CNTN3: variants seen among roughly 807,000 people sequenced by gnomAD.
CNTN3 encodes contactin-3.
CNTN3 carries 60 observed loss-of-function variants against 119.1 expected under a neutral mutation model. That is an observed-to-expected ratio of 0.50 (90% CI 0.41 to 0.62). The LOEUF is 0.62. Among genes scored for constraint, CNTN3 ranks in the 20% least tolerant of loss-of-function variants. The pLI is 0.00. For synonymous variants in CNTN3, 450 were observed against 438.7 expected (o/e 1.03, Z -0.32); for missense variants, 1,101 against 1,242.4 (o/e 0.89, Z 1.71).
At chr3:74,434,749 A>G (rs1025092980) in intron 4 of CNTN3, among the ~76,000 whole-genome samples, 3 of 152,246 alleles carry the variant, frequency 2.0e-5, no homozygotes, top group Non-Finnish European at 4.4e-5. Context: ...TACTTAAAAC[A>G]CTGCTTAATT....
chr3:74,405,820 ATATT>A (rs1705309738), intron 5 of CNTN3, among the ~76,000 whole-genome samples: 3 of 152,046 alleles, frequency 2.0e-5, no homozygotes, highest in Admixed American at 2.0e-4. Flanking sequence ...CCAGTTTTCC[ATATT>A]TATTTGTAAA....
At chr3:74,463,883 G>A (rs1476624181) in intron 4 of CNTN3, among the ~76,000 whole-genome samples, 1 of 152,048 alleles carries the variant, frequency 6.6e-6, no homozygotes, top group Non-Finnish European at 1.5e-5. Flanking sequence ...AAATCCACAG[G>A]GAAAATAAAT....
intron 5 of CNTN3, among the ~76,000 whole-genome samples, chr3:74,398,584 A>C (rs1011950732): frequency 2.6e-5 from 4 of 152,004 alleles, no homozygotes; most frequent in Non-Finnish European, 5.9e-5. Context: ...CCCAGACCAC[A>C]ATATATCTGA....
At chr3:74,293,759 G>A (rs2106799887) in intron 19 of CNTN3, among the ~76,000 whole-genome samples, 1 of 152,302 alleles carries the variant, frequency 6.6e-6, no homozygotes, top group East Asian at 1.9e-4. Flanking sequence ...ACAGGCGCAA[G>A]CCACCACACC....
At chr3:74,331,863 T>G (rs1254188797) in intron 13 of CNTN3, among the ~76,000 whole-genome samples, 1 of 152,182 alleles carries the variant, frequency 6.6e-6, no homozygotes, top group Admixed American at 6.5e-5. Flanking sequence ...TCATGCTCCT[T>G]TGGCACAATT....
At chr3:74,461,541 G>A (rs1479248034) in intron 4 of CNTN3, among the ~76,000 whole-genome samples, 2 of 151,920 alleles carry the variant, frequency 1.3e-5, no homozygotes, top group South Asian at 2.1e-4. Context: ...AAATCAAGAG[G>A]CATCTAAATT....
At chr3:74,322,785 T>C (rs677171) in intron 13 of CNTN3, among the ~76,000 whole-genome samples, 11,936 of 152,242 alleles carry the variant, frequency 0.078, 602 homozygotes, top group East Asian at 0.23. Context: ...CGGTGATACA[T>C]CCAGATACTG....
chr3:74,534,832 C>A (rs2107139874), intron 1 of CNTN3, among the ~76,000 whole-genome samples: 1 of 151,798 alleles, frequency 6.6e-6, no homozygotes, highest in African/African-American at 2.4e-5. Context: ...TGCCATTGAC[C>A]ATAATGGCAA....
rs1355969871 is a variant in CNTN3, at chr3:74,298,120, G to T, written c.2238C>A (p.Thr746=). ...YVVAFRPLGV[T]TWIQTVVTSP... Reference sequence around the variant, plus strand: ...ATGTCACCACTGTCTGGATCCAGGTGGTAACCCCAAGAGGGCGGAAAGCAA... The same window carrying T: ...ATGTCACCACTGTCTGGATCCAGGTTGTAACCCCAAGAGGGCGGAAAGCAA... The change falls in exon 18 of 23, where the codon ACC becomes ACA. Residue 746 remains threonine, a synonymous_variant. Transcript: ENST00000263665. The T allele has an allele frequency of 1.9e-6, 3 of 1,613,290 alleles. No homozygotes were observed. Among genetic ancestry groups the T allele is most frequent in the Non-Finnish European group, 1.7e-6 (2 of 1,179,684 alleles).
At chr3:74,298,600 G>GGAAA (rs1702389168) in intron 17 of CNTN3, among the ~76,000 whole-genome samples, 3 of 115,088 alleles carry the variant, frequency 2.6e-5, no homozygotes, top group African/African-American at 9.8e-5. Context: ...AAGTAAAACT[G>GGAAA]GAAAAAAAAA....
At chr3:74,289,628 C>T (rs546536930) in intron 19 of CNTN3, among the ~76,000 whole-genome samples, 6 of 152,238 alleles carry the variant, frequency 3.9e-5, no homozygotes, top group African/African-American at 1.4e-4. Flanking sequence ...AAGTCTCTTT[C>T]GGCCATTTTG....
At chr3:74,609,474 C>T (rs771541864) in intron 1 of CNTN3, among the ~76,000 whole-genome samples, 1 of 152,122 alleles carries the variant, frequency 6.6e-6, no homozygotes, top group Non-Finnish European at 1.5e-5. Flanking sequence ...GTGACAAAGA[C>T]CACTGACTCC....
rs962428588 is a variant in CNTN3, at chr3:74,529,675, G to GA, written c.-80-8484dup. Among the ~76,000 whole-genome samples the GA allele has an allele frequency of 2.7e-4, 40 of 147,082 alleles. 1 individual carries two copies. The highest frequency in any genetic ancestry group is 1.8e-3 in the East Asian group (9 of 4,982). ...ATTATGAAATGAAACATTTTTAAAA[G>GA]AAAAAAAAACAATTTATTCCTAAAA... On this transcript the variant is annotated intron_variant, in intron 1 of 22. Transcript: ENST00000263665.
chr3:74,388,733 C>T lies in CNTN3; in HGVS notation c.455-17334G>A, dbSNP rs554782315. Among the ~76,000 whole-genome samples, 136 of 152,230 alleles carry T rather than the reference C, an allele frequency of 8.9e-4. No individual in the cohort carries two copies. In the Middle Eastern group the frequency reaches 0.027, roughly 30 times the overall value. On this transcript the variant is annotated intron_variant, in intron 5 of 22. Coordinates refer to ENST00000263665, the MANE Select transcript of CNTN3 (RefSeq NM_020872.3). ...CTACAAGCATACAGGCAAGATAAAA[C>T]GGACTGGCCTTTACAACTTCAACAA...
intron 1 of CNTN3, among the ~76,000 whole-genome samples, chr3:74,522,422 C>T (rs528711711): frequency 6.6e-6 from 1 of 152,030 alleles, no homozygotes; most frequent in Admixed American, 6.6e-5. Flanking sequence ...CTTTAACCTT[C>T]ACTCAATATC....
chr3:74,363,846 T>C (rs559170950), intron 10 of CNTN3, among the ~76,000 whole-genome samples: 1 of 152,112 alleles, frequency 6.6e-6, no homozygotes, highest in Non-Finnish European at 1.5e-5. Context: ...TTTCCTTCCA[T>C]TCATTTGTGC....
At chr3:74,363,093 A>G (rs574490587) in intron 10 of CNTN3, among the ~76,000 whole-genome samples, 1 of 152,334 alleles carries the variant, frequency 6.6e-6, no homozygotes, top group Non-Finnish European at 1.5e-5. Context: ...ATGGCTCATC[A>G]GCTTAATTTA....
chr3:74,376,476 G>T (rs1397629553), intron 5 of CNTN3, among the ~76,000 whole-genome samples: 2 of 152,166 alleles, frequency 1.3e-5, no homozygotes, highest in Non-Finnish European at 2.9e-5. Flanking sequence ...TCTAGGTTGT[G>T]TGCTCCTTAT....
intron 17 of CNTN3, among the ~76,000 whole-genome samples, 159 bp from the exon 18 acceptor site, chr3:74,298,350 G>C (rs1251564633): frequency 6.6e-6 from 1 of 152,122 alleles, no homozygotes; most frequent in Non-Finnish European, 1.5e-5. Context: ...ATCAGCAGGA[G>C]AGTCATGTCA....
Sources: allele counts gnomAD v4.1 joint callset (sites outside exome capture counted in the v4.1 genomes callset), GRCh38; gene constraint gnomAD v4.1.1; transcripts MANE v1.5; gene names NCBI Gene and HGNC (gene_info 2026-07-23, HGNC 2026-07-21).